SZT2: variants seen among roughly 807,000 people sequenced by gnomAD.
SZT2 encodes the protein SZT2 subunit of KICSTOR complex.
SZT2 carries 216 observed loss-of-function variants against 404.2 expected under a neutral mutation model. The observed-to-expected ratio is 0.53, with a 90% CI of 0.48 to 0.60. The LOEUF (loss-of-function observed/expected upper bound fraction) is 0.60, where lower values mean the gene tolerates loss of function less well. Ranked by LOEUF, SZT2 falls within the 20% of genes least tolerant of loss-of-function variation. The probability of loss-of-function intolerance (pLI) is 0.00; values close to 1 mark genes in which losing one functional copy is unlikely to be tolerated. For synonymous variants in SZT2, 1,693 were observed against 1,749.9 expected, an observed-to-expected ratio of 0.97 and a Z score of 0.81; for missense variants, 3,857 against 4,459.2, an observed-to-expected ratio of 0.86 and a Z score of 3.85.
At position 43,437,595 on chromosome 1, in the gene SZT2, G is replaced by T; in HGVS notation, c.6291G>T (p.Arg2097=). ...ERATKAVYYL[R]LLETSCSDRP... ...CCAAAGACATGCTGCTCTTTCCCAGGCTCCTAGAGACATCCTGCAGTGACC... is the reference window on the plus strand; with the variant it reads ...CCAAAGACATGCTGCTCTTTCCCAGTCTCCTAGAGACATCCTGCAGTGACC... Residue 2097 remains arginine (R), a splice_region_variant and synonymous_variant, in exon 45 of 72, where the codon CGG becomes CGT. Coordinates refer to ENST00000634258, the MANE Select transcript of SZT2 (RefSeq NM_001365999.1). The surrounding 1 kb of genome is among the most constrained non-coding windows in gnomAD (Gnocchi z 5.3). 1 of 1,614,064 alleles carries T rather than the reference G, an allele frequency of 6.2e-7. No homozygotes were observed. The highest frequency in any genetic ancestry group is 1.1e-5 in the South Asian group (1 of 91,066).
Position 43,431,004 on chromosome 1 carries a change from G to A in SZT2, c.4830G>A (p.Arg1610=). 6.2e-7 allele frequency: 1 copy of A among 1,614,178 alleles called. No homozygotes were observed. The highest frequency in any genetic ancestry group is 1.1e-5 in the South Asian group (1 of 91,080). The change falls in exon 33 of 72, where the codon AGG becomes AGA. Residue 1610 remains arginine (R), a synonymous_variant. Transcript: ENST00000634258. ...GPPVGGRVPL[R]DLSVTLDVFM... ...CAGTTGGAGGCCGAGTTCCCTTGAG[G>A]GACCTCAGTGTGACTCTGGATGTCT...
chr1:43,438,611 A>C, intron 46 of SZT2, 88 bp from the exon 47 acceptor site: 2 of 1,240,822 alleles, frequency 1.6e-6, no homozygotes, highest in Middle Eastern at 2.5e-4. Context: ...TATACAGGGG[A>C]TTCTTTGAGT....
At position 43,415,129 on chromosome 1, in the gene SZT2, C is replaced by T. The variant is rs781292135; in HGVS notation, c.546C>T (p.Phe182=). Residue 182 remains phenylalanine (F), a synonymous_variant, in exon 5 of 72, where the codon TTC becomes TTT. Coordinates refer to ENST00000634258, the MANE Select transcript of SZT2 (RefSeq NM_001365999.1). ...TGGACCCTTCCCAGCGGGAGGTGTT[C>T]CTGCAGCAGATATATGAGCAGCTCT... The part of the protein sequence containing the change: ...CLLDPSQREV[F]LQQIYEQLCL... 3.9e-5 allele frequency: 62 copies of T among 1,597,932 alleles called. No individual in the cohort carries two copies. In the East Asian group the frequency reaches 5.3e-4, roughly 14 times the overall value.
At chr1:43,397,775 C>T (rs1185337058) in intron 1 of SZT2, among the ~76,000 whole-genome samples, 1 of 152,246 alleles carries the variant, frequency 6.6e-6, no homozygotes, top group Non-Finnish European at 1.5e-5. Context: ...GTCATCCACC[C>T]ACCCCGGCCT....
chr1:43,445,764 C>A, intron 62 of SZT2, 130 bp from the exon 63 acceptor site: 1 of 880,146 alleles, frequency 1.1e-6, no homozygotes, highest in Non-Finnish European at 1.8e-6. Flanking sequence ...TTGCCACTCA[C>A]AGTGGCAGCT....
chr1:43,415,042 C>T, intron 4 of SZT2, 40 bp from the exon 5 acceptor site: 6 of 1,589,328 alleles, frequency 3.8e-6, no homozygotes, highest in Non-Finnish European at 5.1e-6. Context: ...TCTGTGCCAC[C>T]CTGACCGTCC....
At chr1:43,428,841 CTG>C (rs1032013724) in intron 28 of SZT2, 1 of 255,624 alleles carries the variant, frequency 3.9e-6, no homozygotes, top group Non-Finnish European at 7.7e-6. Context: ...GGGGCCAAAA[CTG>C]TATTTTGCTC....
chr1:43,451,640 C>T lies in SZT2; in HGVS notation c.*1160C>T, dbSNP rs1553157837. On this transcript the variant is annotated 3_prime_UTR_variant, in exon 72 of 72. Coordinates refer to ENST00000634258, the MANE Select transcript of SZT2 (RefSeq NM_001365999.1). ...AAAGGGTGGGAGGGCAAAGGAAGGT[C>T]CTCTCACCAACAATGGGCAGGAACT... The T allele has an allele frequency of 1.2e-6, 2 of 1,613,946 alleles. No individual in the cohort carries two copies. Among genetic ancestry groups the T allele is most frequent in the African/African-American group, 1.3e-5 (1 of 74,890 alleles).
rs752303066 is a variant in SZT2, at chr1:43,427,674, C to T, written c.3743C>T (p.Ala1248Val). The T allele has an allele frequency of 1.1e-5, 18 of 1,614,066 alleles. No homozygotes were observed. The Admixed American group carries it at 1.2e-4, about 10-fold the overall frequency. Reference sequence around the variant, plus strand: ...TACATCTACAGCTGTTCACTGGAAGCGCTGAGGGAACAAATGGTTGGCATG... The same window carrying T: ...TACATCTACAGCTGTTCACTGGAAGTGCTGAGGGAACAAATGGTTGGCATG... ...PVYIYSCSLE[A>V]LREQMVGMQP... is the part of the protein sequence containing the mutation. Residue 1248 changes from alanine (A) to valine (V), a missense_variant, in exon 26 of 72, where the codon GCG becomes GTG. Physicochemically the swap from Ala to Val is moderately conservative, Grantham distance 64. This residue lies in a region of SZT2 where 1,725 missense variants were observed against 1,881.0 expected (regional missense o/e 0.92). Transcript: ENST00000634258.
intron 4 of SZT2, chr1:43,412,900 A>T (rs1488475883): frequency 6.6e-6 from 1 of 152,244 alleles, no homozygotes; most frequent in Non-Finnish European, 1.5e-5. Flanking sequence ...AAACAGGTAT[A>T]TGAAAAAGTG....
rs1170684626 is a variant in SZT2, at chr1:43,452,431, G to C, written c.*1951G>C. On this transcript the variant is annotated 3_prime_UTR_variant, in exon 72 of 72. Coordinates refer to ENST00000634258, the MANE Select transcript of SZT2 (RefSeq NM_001365999.1). ...CGTCTCCCCAGGTCTCCAGTCCATGGCACCTGGGTCACGATGCCCAGGTAT... is the reference window on the plus strand; with the variant it reads ...CGTCTCCCCAGGTCTCCAGTCCATGCCACCTGGGTCACGATGCCCAGGTAT... 2.4e-6 allele frequency: 2 copies of C among 835,602 alleles called. No homozygotes were observed. Among genetic ancestry groups the C allele is most frequent in the South Asian group, 2.9e-5 (2 of 69,406 alleles). 51.8% of individuals were successfully genotyped at this position (835,602 alleles called of 1,614,324 possible).
chr1:43,436,867 T>TG, intron 42 of SZT2: 1 of 428,394 alleles, frequency 2.3e-6, no homozygotes, highest in Non-Finnish European at 4.2e-6. Context: ...TATGACAGGG[T>TG]CAGAATCTCT....
In SZT2 at chr1:43,415,167, A is replaced by T. The variant is rs1209315787; in HGVS notation, c.584A>T (p.Asp195Val). The change falls in exon 5 of 72, where the codon GAT (aspartate) becomes GTT (valine). Residue 195 changes from aspartate to valine, a missense_variant. Transcript: ENST00000634258. ...QIYEQLCLFE[D>V]KVATMLQQQY... is the part of the protein sequence containing the mutation. ...TATGAGCAGCTCTGCCTCTTTGAGG[A>T]TAAGGTGGCCACCATGCTGCAGCAG... The T allele has an allele frequency of 1.9e-6, 3 of 1,597,924 alleles. No individual in the cohort carries two copies. The highest frequency in any genetic ancestry group is 2.7e-5 in the African/African-American group (2 of 74,890).
intron 32 of SZT2, 67 bp downstream of exon 32, chr1:43,430,856 G>T: frequency 6.3e-7 from 1 of 1,581,108 alleles, no homozygotes; most frequent in Admixed American, 1.7e-5. Context: ...GGGAGTGGAG[G>T]GGAGCCTAGG....
chr1:43,392,541 A>G (rs1648523696), intron 1 of SZT2, among the ~76,000 whole-genome samples: 2 of 151,968 alleles, frequency 1.3e-5, no homozygotes, highest in Admixed American at 1.3e-4. Context: ...CAGCCTCCCA[A>G]GTAGCTGGGA....
At chr1:43,392,083 C>CA (rs57476239) in intron 1 of SZT2, among the ~76,000 whole-genome samples, 3 of 3,378 alleles carry the variant, frequency 8.9e-4, no homozygotes, top group East Asian at 4.0e-3. Flanking sequence ...GACTCCGTCT[C>CA]AAAAAAAAAA....
chr1:43,403,990 A>C, intron 3 of SZT2: 3 of 581,844 alleles, frequency 5.2e-6, no homozygotes, highest in Non-Finnish European at 9.0e-6. Flanking sequence ...CGGGCTGATT[A>C]CTCGAGCTCA....
chr1:43,439,185 C>CCTTT lies in SZT2; in HGVS notation c.6792+93_6792+96dup, dbSNP rs1210267603. ...TTTCCTACCGATACCCCTATATGTACCTTTGCCCATGGACCTGGGTACACC... is the reference window on the plus strand; with the variant it reads ...TTTCCTACCGATACCCCTATATGTACCTTTCTTTGCCCATGGACCTGGGTACACC... On this transcript the variant is annotated intron_variant, in intron 48 of 71. Transcript: ENST00000634258. The surrounding 1 kb of genome is among the most constrained non-coding windows in gnomAD (Gnocchi z 4.2). 5.4e-5 allele frequency: 85 copies of CCTTT among 1,580,442 alleles called. No individual in the cohort carries two copies. The highest frequency in any genetic ancestry group is 7.3e-5 in the Non-Finnish European group (84 of 1,156,150).
chr1:43,392,703 G>A (rs1177343343), intron 1 of SZT2, among the ~76,000 whole-genome samples: 7 of 152,172 alleles, frequency 4.6e-5, no homozygotes, highest in Non-Finnish European at 8.8e-5. Context: ...GTGAGCCACC[G>A]TGCCCAGCCT....
Sources: gnomAD v4.1 joint callset for allele counts (sites outside exome capture counted in the v4.1 genomes callset) on GRCh38, gnomAD v4.1.1 for gene constraint, gnomAD v4.1.1 regional missense constraint, Gnocchi (gnomAD v3.1) non-coding constraint, MANE v1.5 for transcripts, NCBI Gene and HGNC (gene_info 2026-07-23, HGNC 2026-07-21) for gene names.